The following CPA4 variants were observed in gnomAD, a reference collection of about 807,000 sequenced individuals.
CPA4 encodes carboxypeptidase A3.
A neutral mutation model predicts 54.7 loss-of-function variants in CPA4; 49 were observed. That is an observed-to-expected ratio of 0.90 (90% CI 0.71 to 1.14). CPA4 has a LOEUF of 1.14. Among genes scored for constraint, CPA4 ranks in the 50% most tolerant of loss-of-function variants. The probability of loss-of-function intolerance (pLI) is 0.00; values close to 1 mark genes in which losing one functional copy is unlikely to be tolerated. For synonymous variants in CPA4, 215 were observed against 206.8 expected (o/e 1.04, Z -0.34); for missense variants, 487 against 525.1 (o/e 0.93, Z 0.71).
At position 130,295,562 on chromosome 7, in the gene CPA4, T is replaced by A. The variant is rs141573098; in HGVS notation, c.68+2314T>A. ...ATGTGCTCCACCATCTTGAGCCTCA[T>A]GAACTGACGAGGGCATTTTTCAAAT... On this transcript the variant is annotated intron_variant, in intron 1 of 10. Coordinates refer to ENST00000222482, the MANE Select transcript of CPA4 (RefSeq NM_016352.4). Among the ~76,000 whole-genome samples the A allele has an allele frequency of 1.5e-4, 23 of 152,332 alleles. No individual in the cohort carries two copies. In the East Asian group the frequency reaches 4.4e-3, roughly 29 times the overall value.
At chr7:130,307,034 A>C (rs930277679) in intron 7 of CPA4, 137 bp downstream of exon 7, 12 of 677,892 alleles carry the variant, frequency 1.8e-5, no homozygotes, top group Non-Finnish European at 2.9e-5. Flanking sequence ...AGTCATCCTC[A>C]GAGCTGAGAA....
intron 9 of CPA4, among the ~76,000 whole-genome samples, chr7:130,311,700 G>T (rs1793917359): frequency 6.6e-6 from 1 of 152,120 alleles, no homozygotes; most frequent in South Asian, 2.1e-4. Context: ...GAAGACGGTG[G>T]TGCCTTTACT....
At chr7:130,298,890 C>A in intron 2 of CPA4, 63 bp downstream of exon 2, 2 of 922,992 alleles carry the variant, frequency 2.2e-6, no homozygotes, top group South Asian at 2.8e-5. Context: ...GACTCTTGCT[C>A]TACTGGCATT....
At position 130,297,459 on chromosome 7, in the gene CPA4, G is replaced by A. The variant is rs61179322; in HGVS notation, c.69-1287G>A. Among the ~76,000 whole-genome samples, 314 of 152,236 alleles carry A rather than the reference G, an allele frequency of 2.1e-3. 3 individuals carry two copies. Among genetic ancestry groups the A allele is most frequent in the African/African-American group, 7.2e-3 (297 of 41,524 alleles). On this transcript the variant is annotated intron_variant, in intron 1 of 10. Transcript: ENST00000222482. Reference sequence around the variant, plus strand: ...GGTGCAGTTACCCGCTGACCTCCAGGACCCTTTGGGGACCAGGTGGGTTGG... The same window carrying A: ...GGTGCAGTTACCCGCTGACCTCCAGAACCCTTTGGGGACCAGGTGGGTTGG...
intron 10 of CPA4, among the ~76,000 whole-genome samples, chr7:130,314,393 C>T (rs1447105576): frequency 2.0e-5 from 3 of 152,200 alleles, no homozygotes; most frequent in African/African-American, 7.2e-5. Context: ...GCCCTGGAAG[C>T]AGGATAATCG....
chr7:130,311,456 G>C (rs1793912355), intron 9 of CPA4, among the ~76,000 whole-genome samples: 1 of 152,192 alleles, frequency 6.6e-6, no homozygotes, highest in Non-Finnish European at 1.5e-5. Context: ...CTCACAGCCA[G>C]CCCTTAAACC....
At position 130,300,933 on chromosome 7, in the gene CPA4, G is replaced by T. The variant is rs765751408; in HGVS notation, c.384+19G>T. The T allele has an allele frequency of 1.4e-5, 21 of 1,539,952 alleles. No homozygotes were observed. In the Admixed American group the frequency reaches 3.3e-4, roughly 25 times the overall value. On this transcript the variant is annotated intron_variant, in intron 4 of 10. Coordinates refer to ENST00000222482, the MANE Select transcript of CPA4 (RefSeq NM_016352.4). Reference sequence around the variant, plus strand: ...GGAAGCTGTAAGTGTTTCAGAGTGGGTTAAGATCAAGGTTCTCTGCCTCCT... The same window carrying T: ...GGAAGCTGTAAGTGTTTCAGAGTGGTTTAAGATCAAGGTTCTCTGCCTCCT...
rs1793859480 is a variant in CPA4 at position 130,308,395 on chromosome 7, C to T, written c.791C>T (p.Ala264Val). ...AATAGAAACTGGAACGCTAGTTTTG[C>T]AGGTAGGCGGTGGGGAGACAGTTCT... ...DPNRNWNASF[A>V]GKGASDNPCS... The change falls in exon 8 of 11, where the codon GCA becomes GTA. Residue 264 changes from alanine (A) to valine (V), a missense_variant and splice_region_variant. Ala to Val is a moderately conservative substitution (Grantham distance 64, BLOSUM62 0). Coordinates refer to ENST00000222482, the MANE Select transcript of CPA4 (RefSeq NM_016352.4). 4 of 1,612,678 alleles carry T rather than the reference C, an allele frequency of 2.5e-6. No individual in the cohort carries two copies. The highest frequency in any genetic ancestry group is 3.4e-6 in the Non-Finnish European group (4 of 1,178,762).
intron 1 of CPA4, among the ~76,000 whole-genome samples, chr7:130,296,067 G>A (rs1793644112): frequency 6.6e-6 from 1 of 152,192 alleles, no homozygotes; most frequent in African/African-American, 2.4e-5. Context: ...TGCTTCCTCT[G>A]GTCAGGAAAA....
At position 130,306,885 on chromosome 7, in the gene CPA4, T is replaced by C. The variant is rs1793829961; in HGVS notation, c.690T>C (p.Tyr230=). Residue 230 remains tyrosine, a synonymous_variant, in exon 7 of 11, where the codon TAT becomes TAC. Coordinates refer to ENST00000222482, the MANE Select transcript of CPA4 (RefSeq NM_016352.4). The part of the protein sequence containing the change: ...LPVANPDGYV[Y]TQTQNRLWRK... ...TGGCCAATCCTGATGGATATGTGTA[T>C]ACTCAAACTCAAGTGAGTATTCCCA... is the stretch of plus-strand genomic sequence containing the variant. The C allele has an allele frequency of 6.3e-7, 1 of 1,583,342 alleles. No individual in the cohort carries two copies. The highest frequency in any genetic ancestry group is 8.7e-7 in the Non-Finnish European group (1 of 1,151,930).
chr7:130,307,629 CAGAAAAAAA>C, intron 7 of CPA4, among the ~76,000 whole-genome samples: 1 of 127,252 alleles, frequency 7.9e-6, no homozygotes, highest in East Asian at 2.6e-4. Flanking sequence ...GACTCCATCT[CAGAAAAAAA>C]AAAAAAAAAA....
chr7:130,313,299 G>A (rs2117156127), intron 10 of CPA4, among the ~76,000 whole-genome samples: 1 of 152,342 alleles, frequency 6.6e-6, no homozygotes, highest in East Asian at 1.9e-4. Context: ...ACAGAGCCCA[G>A]GAATGGGATG....
At chr7:130,300,624 C>G (rs533104634) in intron 3 of CPA4, among the ~76,000 whole-genome samples, 192 bp from the exon 4 acceptor site, 1 of 152,114 alleles carries the variant, frequency 6.6e-6, no homozygotes, top group East Asian at 1.9e-4. Flanking sequence ...ATGAGCCACC[C>G]TGCCCAGCCA....
intron 5 of CPA4, 114 bp downstream of exon 5, chr7:130,304,693 G>T (rs1217065713): frequency 1.5e-5 from 11 of 733,396 alleles, no homozygotes; most frequent in Non-Finnish European, 2.2e-5. Flanking sequence ...GGAAAGCGAG[G>T]TCAGGACACA....
chr7:130,308,259 A>T (rs763313491), intron 7 of CPA4, 48 bp from the exon 8 acceptor site: 33 of 1,521,176 alleles, frequency 2.2e-5, no homozygotes, highest in African/African-American at 2.7e-5. Flanking sequence ...CTCTTCGGTG[A>T]TCTGATCTGC....
intron 1 of CPA4, among the ~76,000 whole-genome samples, chr7:130,296,045 C>A (rs1202749408): frequency 6.6e-6 from 1 of 152,172 alleles, no homozygotes; most frequent in Non-Finnish European, 1.5e-5. Flanking sequence ...TATCTGAAGA[C>A]TGTTAGGACT....
rs1405436487 is a variant in CPA4, at chr7:130,308,289, C to A, written c.703-18C>A. 6 of 1,611,404 alleles carry A rather than the reference C, an allele frequency of 3.7e-6. No individual in the cohort carries two copies. Among genetic ancestry groups the A allele is most frequent in the Non-Finnish European group, 5.1e-6 (6 of 1,177,516 alleles). On this transcript the variant is annotated intron_variant, in intron 7 of 10. Transcript: ENST00000222482. ...ATCTGCCTCTGGTTGTTTGTCCCCT[C>A]CTTGGTGGCTTTTTCAGAACCGATT...
Position 130,312,040 on chromosome 7 carries a change from C to T in CPA4, c.996C>T (p.Asp332=). 1 of 1,613,840 alleles carries T rather than the reference C, an allele frequency of 6.2e-7. No homozygotes were observed. Among genetic ancestry groups the T allele is most frequent in the Non-Finnish European group, 8.5e-7 (1 of 1,179,728 alleles). The change falls in exon 10 of 11, where the codon GAC becomes GAT. Residue 332 remains aspartate, a splice_region_variant and synonymous_variant. Transcript: ENST00000222482. ...CTCCACGGATTCCCCCTTCCCAGGA[C>T]AAGGTGGCGAGGCTTGCGGCCAAAG... ...VKKAPDAEEL[D]KVARLAAKAL...
Position 130,310,814 on chromosome 7 carries a change from C to T in CPA4, c.821C>T (p.Ser274Phe). The T allele has an allele frequency of 6.2e-7, 1 of 1,614,204 alleles. No individual in the cohort carries two copies. Among genetic ancestry groups the T allele is most frequent in the South Asian group, 1.1e-5 (1 of 91,080 alleles). The change falls in exon 9 of 11, where the codon TCC becomes TTC. Residue 274 changes from serine to phenylalanine, a missense_variant. Coordinates refer to ENST00000222482, the MANE Select transcript of CPA4 (RefSeq NM_016352.4). The surrounding 1 kb of genome is among the most constrained non-coding windows in gnomAD (Gnocchi z 4.3). ...AAGGGAGCCAGCGACAACCCTTGCTCCGAAGTGTACCATGGACCCCACGCC... is the reference window on the plus strand; with the variant it reads ...AAGGGAGCCAGCGACAACCCTTGCTTCGAAGTGTACCATGGACCCCACGCC... Reference protein sequence around the residue: ...AGKGASDNPCSEVYHGPHANS... With the variant: ...AGKGASDNPCFEVYHGPHANS...
Sources: allele counts gnomAD v4.1 joint callset (sites outside exome capture counted in the v4.1 genomes callset), GRCh38; gene constraint gnomAD v4.1.1; non-coding constraint Gnocchi (gnomAD v3.1); transcripts MANE v1.5; gene names NCBI Gene and HGNC (gene_info 2026-07-23, HGNC 2026-07-21).